Variants in FAM149A observed in about 807,000 individuals in gnomAD.
The protein encoded by FAM149A is family with sequence similarity 149 member A, also known as protein FAM149A.
A neutral mutation model predicts 78.2 loss-of-function variants in FAM149A; 71 were observed. The ratio of observed to expected loss-of-function variants is 0.91; its 90% CI spans 0.75 to 1.11. FAM149A has a LOEUF of 1.11. Ranked by LOEUF, FAM149A falls within the 50% of genes least tolerant of loss-of-function variation. The pLI is 0.00. For synonymous variants in FAM149A, 446 were observed against 410.5 expected, an observed-to-expected ratio of 1.09 and a Z score of -1.04; for missense variants, 1,036 against 971.0, an observed-to-expected ratio of 1.07 and a Z score of -0.89.
chr4:186,110,265 T>C, intron 1 of FAM149A: 2 of 985,406 alleles, frequency 2.0e-6, no homozygotes, highest in Non-Finnish European at 2.4e-6. Flanking sequence ...AGAATAATTA[T>C]TGTCTTAGGT....
Position 186,173,258 on chromosome 4 carries a change from A to G in FAM149A, c.*1271A>G, listed in dbSNP as rs938020697. 4.4e-5 allele frequency among the ~76,000 whole-genome samples: 5 copies of G among 113,092 alleles called. 1 individual carries two copies. Among genetic ancestry groups the G allele is most frequent in the African/African-American group, 1.4e-4 (5 of 36,006 alleles). The allele number at this position is 113,092 out of a possible 152,430, so 74.2% of individuals were successfully genotyped here. On this transcript the variant is annotated 3_prime_UTR_variant, in exon 14 of 14. Coordinates refer to ENST00000389354, the MANE Select transcript of FAM149A (RefSeq NM_001367768.3). ...TTTTAAAAGATGTGTTGAGACTAAC[A>G]TTAATGTTGTCCTTTATCACAGGGT...
chr4:186,173,343 C>T lies in FAM149A; in HGVS notation c.*1356C>T, dbSNP rs1343702284. 1.8e-5 allele frequency among the ~76,000 whole-genome samples: 2 copies of T among 110,424 alleles called. 1 individual carries two copies. The highest frequency in any genetic ancestry group is 4.5e-5 in the Non-Finnish European group (2 of 44,072). The allele number at this position is 110,424 out of a possible 152,430, so 72.4% of individuals were successfully genotyped here. A position where few individuals can be genotyped will look rare whatever the true frequency, so the allele number is the denominator to read the frequency against. On this transcript the variant is annotated 3_prime_UTR_variant, in exon 14 of 14. Transcript: ENST00000389354. ...AAATTTCTCCTTGACTTTGCTGACT[C>T]CATTTCTTTTTTCTTTTCTTTTTTT...
intron 1 of FAM149A, among the ~76,000 whole-genome samples, chr4:186,142,147 GTCC>G (rs916743852): frequency 1.1e-4 from 16 of 152,202 alleles, no homozygotes; most frequent in Admixed American, 7.2e-4. Context: ...GCAGAAGTGA[GTCC>G]TCCTCAAGGC....
chr4:186,135,324 A>C (rs897701831), intron 1 of FAM149A, among the ~76,000 whole-genome samples: 5 of 152,156 alleles, frequency 3.3e-5, no homozygotes, highest in African/African-American at 9.7e-5. Context: ...TATGTCTTGA[A>C]ATTTAGTAAG....
At chr4:186,111,613 T>C (rs1243020888) in intron 1 of FAM149A, among the ~76,000 whole-genome samples, 5 of 151,642 alleles carry the variant, frequency 3.3e-5, no homozygotes, top group Non-Finnish European at 7.4e-5. Flanking sequence ...TTTCTACATA[T>C]GGCTAGCCAG....
chr4:186,163,038 G>C lies in FAM149A; in HGVS notation c.1679+90G>C, dbSNP rs537806729. 6.3e-6 allele frequency: 5 copies of C among 794,302 alleles called. 1 individual carries two copies. The South Asian group carries it at 7.7e-5, about 12-fold the overall frequency. 49.2% of individuals were successfully genotyped at this position (794,302 alleles called of 1,614,324 possible). On this transcript the variant is annotated intron_variant, in intron 9 of 13. Coordinates refer to ENST00000389354, the MANE Select transcript of FAM149A (RefSeq NM_001367768.3). ...AAGACTGCAGGGGACATGAGATCACGAAGGTCCCATTTAATCCCGTGCTTC... is the reference window on the plus strand; with the variant it reads ...AAGACTGCAGGGGACATGAGATCACCAAGGTCCCATTTAATCCCGTGCTTC...
intron 1 of FAM149A, among the ~76,000 whole-genome samples, chr4:186,136,976 T>TCTTTCTCTCTCTCTCTCTCTCTC (rs2099323291): frequency 1.4e-5 from 1 of 72,094 alleles, no homozygotes; most frequent in African/African-American, 6.2e-5. Context: ...CTCTCTCTCT[T>TCTTTCTCTCTCTCTCTCTCTCTC]TCTCTCTCTC....
chr4:186,160,293 C>A (rs1734463020), intron 8 of FAM149A, among the ~76,000 whole-genome samples: 1 of 139,940 alleles, frequency 7.1e-6, no homozygotes, highest in South Asian at 2.3e-4. Flanking sequence ...ACACACCAAA[C>A]ACACACCCCA....
chr4:186,133,418 T>G (rs1366599259), intron 1 of FAM149A: 2 of 153,938 alleles, frequency 1.3e-5, no homozygotes, highest in Non-Finnish European at 2.9e-5. Context: ...TGAATTTGAC[T>G]ACTTTAGGGA....
chr4:186,154,769 G>A, intron 6 of FAM149A, 131 bp downstream of exon 6: 1 of 1,430,964 alleles, frequency 7.0e-7, no homozygotes, highest in Non-Finnish European at 9.1e-7. Context: ...TCTTTTGAGA[G>A]TAATGTACTC....
rs531724491 is a variant in FAM149A, at chr4:186,163,653, T to C, written c.1889+20T>C. On this transcript the variant is annotated intron_variant, in intron 10 of 13. Coordinates refer to ENST00000389354, the MANE Select transcript of FAM149A (RefSeq NM_001367768.3). ...AAAACTGTGAGTCTCATTTCTTTCA[T>C]AGTAAACTAAAGGCCACGGAGGACC... 2.5e-6 allele frequency: 4 copies of C among 1,594,728 alleles called. No individual in the cohort carries two copies. Among genetic ancestry groups the C allele is most frequent in the African/African-American group, 1.3e-5 (1 of 74,644 alleles).
rs529515296 is a variant in FAM149A, at chr4:186,146,766, T to C, written c.567-2407T>C. ...TTTTAACGAGTAAAACGTTATCCAA[T>C]AGTGTCTTGAATCTGGGGAATATTT... On this transcript the variant is annotated intron_variant, in intron 1 of 13. Transcript: ENST00000389354. The C allele has an allele frequency of 3.1e-6, 3 of 980,688 alleles. No homozygotes were observed. In the African/African-American group the frequency reaches 5.2e-5, roughly 17 times the overall value. 60.7% of individuals were successfully genotyped at this position (980,688 alleles called of 1,614,324 possible).
At position 186,146,558 on chromosome 4, in the gene FAM149A, G is replaced by A. The variant is rs556536881; in HGVS notation, c.567-2615G>A. 3 of 957,284 alleles carry A rather than the reference G, an allele frequency of 3.1e-6. No individual in the cohort carries two copies. The African/African-American group carries it at 5.3e-5, about 17-fold the overall frequency. 59.3% of individuals were successfully genotyped at this position (957,284 alleles called of 1,614,324 possible). A position where few individuals can be genotyped will look rare whatever the true frequency, so the allele number is the denominator to read the frequency against. On this transcript the variant is annotated intron_variant, in intron 1 of 13. Transcript: ENST00000389354. The stretch of plus-strand genomic sequence containing the variant: ...CCCCTGAAAAAGAGTGAATTTCCTA[G>A]AGGAATAAATTATTCATTGAAACAA...
chr4:186,136,964 TTCTCTCTCTCTTTCTCTCTCTCTCTC>T lies in FAM149A; in HGVS notation c.567-12197_567-12172del, dbSNP rs1186083566. Among the ~76,000 whole-genome samples, 513 of 97,006 alleles carry T rather than the reference TTCTCTCTCTCTTTCTCTCTCTCTCTC, an allele frequency of 5.3e-3. 8 individuals carry two copies. The highest frequency in any genetic ancestry group is 0.017 in the African/African-American group (371 of 22,460). The allele number at this position is 97,006 out of a possible 152,430, so 63.6% of individuals were successfully genotyped here. ...TCTCTCTCTCTCTCTCTCTCTCTCT[TTCTCTCTCTCTTTCTCTCTCTCTCTC>T]TCTCTCTCTCTCTCTCTCTCTCTCT... On this transcript the variant is annotated intron_variant, in intron 1 of 13. Coordinates refer to ENST00000389354, the MANE Select transcript of FAM149A (RefSeq NM_001367768.3).
intron 8 of FAM149A, among the ~76,000 whole-genome samples, chr4:186,159,531 G>A (rs547013513): frequency 1.3e-5 from 2 of 152,086 alleles, no homozygotes; most frequent in African/African-American, 2.4e-5. Flanking sequence ...GGAATCGAGA[G>A]GCCTGAGAGG....
intron 1 of FAM149A, chr4:186,131,912 A>G: frequency 1.0e-6 from 1 of 985,460 alleles, no homozygotes; most frequent in Non-Finnish European, 1.2e-6. Context: ...AATGACCCCA[A>G]ACAAGCTTTG....
intron 8 of FAM149A, among the ~76,000 whole-genome samples, chr4:186,160,632 C>A (rs563103666): frequency 2.0e-5 from 3 of 149,616 alleles, no homozygotes; most frequent in African/African-American, 7.4e-5. Context: ...CCACAACACA[C>A]CACACATGTA....
intron 1 of FAM149A, among the ~76,000 whole-genome samples, chr4:186,138,042 C>G (rs1237971209): frequency 1.3e-5 from 2 of 152,154 alleles, no homozygotes; most frequent in East Asian, 3.8e-4. Context: ...GAGGTTAATG[C>G]AAGCATTTTT....
At chr4:186,110,393 C>A in intron 1 of FAM149A, 2 of 655,486 alleles carry the variant, frequency 3.1e-6, no homozygotes, top group Non-Finnish European at 3.7e-6. Flanking sequence ...GCGTTACTTT[C>A]TTTTTTTTTT....
Sources: allele counts gnomAD v4.1 joint callset (sites outside exome capture counted in the v4.1 genomes callset), GRCh38; gene constraint gnomAD v4.1.1; transcripts MANE v1.5; gene names NCBI Gene and HGNC (gene_info 2026-07-23, HGNC 2026-07-21).